SYTL2: variants seen among roughly 807,000 people sequenced by gnomAD.
SYTL2 encodes synaptotagmin-like protein 2.
In SYTL2, 165 loss-of-function variants were observed where a neutral mutation model predicts 198.7. The observed-to-expected ratio is 0.83, with a 90% confidence interval of 0.73 to 0.94. The LOEUF (loss-of-function observed/expected upper bound fraction) is 0.94. Among genes scored for constraint, SYTL2 ranks in the 40% least tolerant of loss-of-function variants. The pLI, the probability that SYTL2 is intolerant of heterozygous loss-of-function variation, is 0.00. For synonymous variants in SYTL2, 966 were observed against 917.7 expected (o/e 1.05, Z -0.95); for missense variants, 2,835 against 2,582.8 (o/e 1.10, Z -2.12).
At chr11:85,792,837 T>C (rs1205468078) in intron 1 of SYTL2, among the ~76,000 whole-genome samples, 1 of 151,506 alleles carries the variant, frequency 6.6e-6, no homozygotes, top group Non-Finnish European at 1.5e-5. Flanking sequence ...GTCCATGTGT[T>C]CTCACTGTTC....
At position 85,724,236 on chromosome 11, in the gene SYTL2, C is replaced by A. The variant is rs1203241512; in HGVS notation, c.5122G>T (p.Glu1708Ter). Residue 1708 changes from glutamate to a stop codon, truncating the protein, a stop_gained, in exon 8 of 20, where the codon GAA becomes TAA. Coordinates refer to ENST00000359152, the MANE Select transcript of SYTL2 (RefSeq NM_206927.4). LOFTEE classifies it high-confidence loss of function. ...CTATTTCTGGACACACTAATTGCTT[C>A]AGAAGCCTCTCCAAAGCCAGGTTCC... ...LQEPGFGEASEAISVSRNRQP... is the reference protein window; with the variant it reads ...LQEPGFGEAS The A allele has an allele frequency of 6.4e-7, 1 of 1,572,266 alleles. No homozygotes were observed.
intron 1 of SYTL2, among the ~76,000 whole-genome samples, chr11:85,761,530 C>T (rs2092096593): frequency 6.6e-6 from 1 of 152,188 alleles, no homozygotes; most frequent in Admixed American, 6.5e-5. Flanking sequence ...AGTAAGACTT[C>T]TGGCTTTTAC....
Position 85,726,256 on chromosome 11 carries a change from A to T in SYTL2, c.3102T>A (p.His1034Gln). The change falls in exon 8 of 20, where the codon CAT becomes CAA. Residue 1034 changes from histidine (H) to glutamine (Q), a missense_variant. This residue lies in a region of SYTL2 where 2,645 missense variants were observed against 2,381.7 expected (regional missense o/e 1.11). Coordinates refer to ENST00000359152, the MANE Select transcript of SYTL2 (RefSeq NM_206927.4). Reference protein sequence around the residue: ...SDIKLSGKNTHEAEVLLSPKK... With the variant: ...SDIKLSGKNTQEAEVLLSPKK... Reference sequence around the variant, plus strand: ...TTGGGCTTAGAAGCACCTCTGCTTCATGGGTATTTTTACCTGATAATTTAA... The same window carrying T: ...TTGGGCTTAGAAGCACCTCTGCTTCTTGGGTATTTTTACCTGATAATTTAA... The T allele has an allele frequency of 4.3e-6, 7 of 1,613,694 alleles. No individual in the cohort carries two copies. Among genetic ancestry groups the T allele is most frequent in the Non-Finnish European group, 5.9e-6 (7 of 1,179,916 alleles).
intron 1 of SYTL2, among the ~76,000 whole-genome samples, chr11:85,789,324 ATGTG>A (rs1173699592): frequency 1.3e-4 from 10 of 77,290 alleles, no homozygotes; most frequent in South Asian, 4.2e-4. Context: ...GTGTGTGTGT[ATGTG>A]TGTGTGTGTG....
At chr11:85,802,848 A>ACC (rs2092910610) in intron 1 of SYTL2, among the ~76,000 whole-genome samples, 1 of 152,216 alleles carries the variant, frequency 6.6e-6, no homozygotes, top group African/African-American at 2.4e-5. Flanking sequence ...AAAGCTGCTA[A>ACC]CCACAGTTAA....
At chr11:85,712,207 A>G (rs1367241708) in intron 12 of SYTL2, among the ~76,000 whole-genome samples, 1 of 152,222 alleles carries the variant, frequency 6.6e-6, no homozygotes, top group East Asian at 1.9e-4. Flanking sequence ...AAGGAGTTAA[A>G]GGAAAGCAAA....
At chr11:85,713,922 G>C (rs2086733542) in intron 12 of SYTL2, among the ~76,000 whole-genome samples, 1 of 152,132 alleles carries the variant, frequency 6.6e-6, no homozygotes, top group Non-Finnish European at 1.5e-5. Context: ...TGTAATGTGT[G>C]GGGATAATGA....
chr11:85,747,292 TAA>T (rs34795415), intron 3 of SYTL2, among the ~76,000 whole-genome samples: 1 of 146,702 alleles, frequency 6.8e-6, no homozygotes, highest in Non-Finnish European at 1.5e-5. Flanking sequence ...CTATGTCTAT[TAA>T]AAAAAAAAAA....
intron 6 of SYTL2, among the ~76,000 whole-genome samples, chr11:85,735,738 T>C (rs1360066700): frequency 2.0e-5 from 3 of 150,866 alleles, no homozygotes; most frequent in Non-Finnish European, 3.0e-5. Flanking sequence ...GCCTGGGCAA[T>C]AGAGTGGGAC....
chr11:85,812,081 T>C (rs1317143000), upstream of SYTL2, among the ~76,000 whole-genome samples: 2 of 152,346 alleles, frequency 1.3e-5, no homozygotes, highest in African/African-American at 4.8e-5. Context: ...CACCCCATCC[T>C]GGGTGACAGA....
At chr11:85,772,938 C>A (rs2153582078) in intron 1 of SYTL2, among the ~76,000 whole-genome samples, 2 of 152,292 alleles carry the variant, frequency 1.3e-5, no homozygotes, top group East Asian at 3.9e-4. Flanking sequence ...ATGCTGGGGT[C>A]ATTAGCCCAA....
chr11:85,714,227 G>A (rs999985443), intron 12 of SYTL2, among the ~76,000 whole-genome samples, 186 bp downstream of exon 12: 24 of 152,204 alleles, frequency 1.6e-4, no homozygotes, highest in African/African-American at 5.8e-4. Context: ...TACTGTTTGA[G>A]TCAAATGAGA....
chr11:85,854,216 T>C, the SYTL2 span: 2 of 151,894 alleles, frequency 1.3e-5, no homozygotes, highest in African/African-American at 2.4e-5. Context: ...ATACACCATG[T>C]ATAAATTATA....
chr11:85,714,880 A>G lies in SYTL2; in HGVS notation c.5531-373T>C, dbSNP rs1355000202. On this transcript the variant is annotated intron_variant, in intron 11 of 19. Coordinates refer to ENST00000359152, the MANE Select transcript of SYTL2 (RefSeq NM_206927.4). Reference sequence around the variant, plus strand: ...CTTTATTGGTTCATCTCCTTGAGATATATCACTAACACACTGCAGGCTGAA... The same window carrying G: ...CTTTATTGGTTCATCTCCTTGAGATGTATCACTAACACACTGCAGGCTGAA... The G allele has an allele frequency of 5.1e-5, 10 of 197,188 alleles. No individual in the cohort carries two copies. In the South Asian group the frequency reaches 7.0e-4, roughly 14 times the overall value. 12.2% of individuals were successfully genotyped at this position (197,188 alleles called of 1,614,324 possible).
At chr11:85,731,926 T>C (rs2089870684) in intron 7 of SYTL2, among the ~76,000 whole-genome samples, 1 of 152,094 alleles carries the variant, frequency 6.6e-6, no homozygotes, top group African/African-American at 2.4e-5. Context: ...CATTAAAAAG[T>C]GGGTGAAGGA....
intron 1 of SYTL2, among the ~76,000 whole-genome samples, chr11:85,795,230 C>T (rs1396429028): frequency 6.6e-6 from 1 of 151,938 alleles, no homozygotes; most frequent in African/African-American, 2.4e-5. Context: ...TTATTTTCAG[C>T]CCCCCAAATA....
chr11:85,850,925 A>G, the SYTL2 span, among the ~76,000 whole-genome samples: 3 of 148,210 alleles, frequency 2.0e-5, no homozygotes, highest in Non-Finnish European at 4.5e-5. Context: ...CTATCGCAAG[A>G]ACAAAAAACC....
Position 85,811,066 on chromosome 11 carries a change from T to TC in SYTL2, c.-503dup, listed in dbSNP as rs970640601. 5 of 152,000 alleles carry TC rather than the reference T, an allele frequency of 3.3e-5. No homozygotes were observed. The highest frequency in any genetic ancestry group is 1.2e-4 in the African/African-American group (5 of 41,372). The allele number at this position is 152,000 out of a possible 1,614,324, so 9.4% of individuals were successfully genotyped here. A position where few individuals can be genotyped will look rare whatever the true frequency, so the allele number is the denominator to read the frequency against. The stretch of plus-strand genomic sequence containing the variant: ...CAGCCCCGGGCGCGGCGCGTTACCT[T>TC]CCCCCGGGCAAGGCGTTGCGAGCCT... On this transcript the variant is annotated 5_prime_UTR_variant, in exon 1 of 20. Transcript: ENST00000359152.
rs750151340 is a variant in SYTL2 at position 85,748,311 on chromosome 11, T to C, written c.214A>G (p.Ile72Val). 6.2e-7 allele frequency: 1 copy of C among 1,614,012 alleles called. No individual in the cohort carries two copies. Among genetic ancestry groups the C allele is most frequent in the South Asian group, 1.1e-5 (1 of 91,074 alleles). The part of the protein sequence containing the change: ...HRDKIHGADI[I>V]RASMRKKRPQ... ...CTCTTCTTTCTCATAGATGCTCTGA[T>C]GATATCTGCGCCATGGATTTTGTCC... The change falls in exon 3 of 20, where the codon ATC becomes GTC. Residue 72 changes from isoleucine to valine, a missense_variant. Physicochemically the swap from Ile to Val is conservative, Grantham distance 29. Coordinates refer to ENST00000359152, the MANE Select transcript of SYTL2 (RefSeq NM_206927.4).
Sources: gnomAD v4.1 joint callset for allele counts (sites outside exome capture counted in the v4.1 genomes callset) on GRCh38, gnomAD v4.1.1 for gene constraint, gnomAD v4.1.1 regional missense constraint, MANE v1.5 for transcripts, NCBI Gene and HGNC (gene_info 2026-07-23, HGNC 2026-07-21) for gene names.